Variants in TARBP1 observed in about 807,000 individuals in gnomAD.
TARBP1 encodes the protein tRNA (guanosine(18)-2'-O)-methyltransferase TARBP1.
A neutral mutation model predicts 178.6 loss-of-function variants in TARBP1; 144 were observed. The observed-to-expected ratio is 0.81, with a 90% CI of 0.70 to 0.93. The LOEUF (loss-of-function observed/expected upper bound fraction) is 0.93. TARBP1 is among the 40% of genes least tolerant of loss of function. The pLI, the probability that TARBP1 is intolerant of heterozygous loss-of-function variation, is 0.00. For synonymous variants in TARBP1, 787 were observed against 781.0 expected (o/e 1.01, Z -0.13); for missense variants, 2,067 against 2,011.7 (o/e 1.03, Z -0.53).
At chr1:234,458,647 A>G (rs998629080) in intron 8 of TARBP1, among the ~76,000 whole-genome samples, 1 of 152,228 alleles carries the variant, frequency 6.6e-6, no homozygotes, top group African/African-American at 2.4e-5. Context: ...GTAGTAAGCA[A>G]TATTTACTGA....
intron 9 of TARBP1, among the ~76,000 whole-genome samples, chr1:234,455,900 G>A (rs1667224030): frequency 6.6e-6 from 1 of 151,658 alleles, no homozygotes; most frequent in South Asian, 2.1e-4. Flanking sequence ...GACAATAATA[G>A]ACAATTCACA....
intron 14 of TARBP1, among the ~76,000 whole-genome samples, chr1:234,432,572 A>C (rs945595241): frequency 2.0e-5 from 3 of 152,228 alleles, no homozygotes; most frequent in Admixed American, 6.5e-5. Context: ...TAATCGAAGA[A>C]GACCTCTAAG....
chr1:234,406,455 A>C, intron 23 of TARBP1: 1 of 192,708 alleles, frequency 5.2e-6, no homozygotes, highest in Non-Finnish European at 1.1e-5. Flanking sequence ...CTATTATCTT[A>C]ATTTGTGCTG....
rs1188886698 is a variant in TARBP1 at position 234,396,835 on chromosome 1, C to T, written c.4243+1547G>A. ...AATTTTCAACAAGTCACATGTGAGT[C>T]CTGAAGACATGGAAAGTTTGGAGAA... On this transcript the variant is annotated intron_variant, in intron 26 of 29. Coordinates refer to ENST00000040877, the MANE Select transcript of TARBP1 (RefSeq NM_005646.4). Among the ~76,000 whole-genome samples, 3 of 151,636 alleles carry T rather than the reference C, an allele frequency of 2.0e-5. No individual in the cohort carries two copies. In the South Asian group the frequency reaches 6.3e-4, roughly 32 times the overall value.
intron 14 of TARBP1, among the ~76,000 whole-genome samples, chr1:234,430,997 AC>A (rs1287340630): frequency 1.1e-4 from 16 of 152,228 alleles, no homozygotes; most frequent in African/African-American, 3.9e-4. Flanking sequence ...GGAACTCTAC[AC>A]GTAGGAAAGG....
At chr1:234,465,592 T>A in intron 5 of TARBP1, 64 bp downstream of exon 5, 2 of 1,419,978 alleles carry the variant, frequency 1.4e-6, no homozygotes, top group Admixed American at 5.2e-5. Flanking sequence ...CATGAAACAA[T>A]CTGGTCATGT....
intron 19 of TARBP1, 89 bp from the exon 20 acceptor site, chr1:234,425,882 C>T: frequency 1.9e-6 from 2 of 1,054,032 alleles, no homozygotes; most frequent in Non-Finnish European, 2.7e-6. Context: ...ATTACACGAT[C>T]AAAACCTCTC....
At chr1:234,396,283 C>G (rs1475983965) in intron 26 of TARBP1, among the ~76,000 whole-genome samples, 3 of 152,220 alleles carry the variant, frequency 2.0e-5, no homozygotes, top group Non-Finnish European at 4.4e-5. Flanking sequence ...TCCTCCCAGG[C>G]TCTACCCAAC....
At chr1:234,421,214 G>A (rs529451516) in intron 20 of TARBP1, among the ~76,000 whole-genome samples, 1 of 151,832 alleles carries the variant, frequency 6.6e-6, no homozygotes, top group Admixed American at 6.6e-5. Flanking sequence ...TCAGCCTCCC[G>A]AGTAGCTGGG....
intron 10 of TARBP1, among the ~76,000 whole-genome samples, chr1:234,449,110 T>C (rs993110289): frequency 1.3e-5 from 2 of 151,842 alleles, no homozygotes; most frequent in African/African-American, 4.8e-5. Context: ...AGGCATACCA[T>C]ATTCCAGAAA....
intron 22 of TARBP1, among the ~76,000 whole-genome samples, chr1:234,416,391 G>T (rs1662418173): frequency 6.6e-6 from 1 of 152,108 alleles, no homozygotes; most frequent in Non-Finnish European, 1.5e-5. Context: ...CACCTCCCTG[G>T]GTTCAAGCTA....
intron 13 of TARBP1, 33 bp from the exon 14 acceptor site, chr1:234,433,604 A>G: frequency 1.3e-6 from 2 of 1,576,442 alleles, no homozygotes; most frequent in Non-Finnish European, 1.7e-6. Context: ...TAAGGGTACA[A>G]GCAAGGTCCA....
At chr1:234,435,951 T>C (rs748668768) in intron 13 of TARBP1, among the ~76,000 whole-genome samples, 3 of 152,204 alleles carry the variant, frequency 2.0e-5, no homozygotes, top group Non-Finnish European at 4.4e-5. Context: ...ACCAGCACAC[T>C]GCTGACAGGG....
At chr1:234,427,510 A>G in intron 18 of TARBP1, 66 bp downstream of exon 18, 1 of 1,487,206 alleles carries the variant, frequency 6.7e-7, no homozygotes, top group African/African-American at 1.4e-5. Flanking sequence ...AAACAAAGAC[A>G]TAATTCTATA....
At chr1:234,411,958 T>G (rs1372109600) in intron 22 of TARBP1, among the ~76,000 whole-genome samples, 1 of 152,240 alleles carries the variant, frequency 6.6e-6, no homozygotes, top group Non-Finnish European at 1.5e-5. Context: ...AGTTACTGAA[T>G]GTCTTCTACA....
intron 9 of TARBP1, among the ~76,000 whole-genome samples, chr1:234,455,334 G>A (rs1667165113): frequency 6.6e-6 from 1 of 152,188 alleles, no homozygotes; most frequent in African/African-American, 2.4e-5. Flanking sequence ...ACTCCATTCT[G>A]CAGATGTACC....
At chr1:234,455,775 A>G (rs1667210592) in intron 9 of TARBP1, among the ~76,000 whole-genome samples, 1 of 152,166 alleles carries the variant, frequency 6.6e-6, no homozygotes, top group South Asian at 2.1e-4. Context: ...ACTAAAAAAA[A>G]ATTATTTGCA....
rs193037967 is a variant in TARBP1 at position 234,476,904 on chromosome 1, G to T, written c.931+1269C>A. On this transcript the variant is annotated intron_variant, in intron 1 of 29. Coordinates refer to ENST00000040877, the MANE Select transcript of TARBP1 (RefSeq NM_005646.4). ...TTATCCCTAAAACTGCAAAATAACT[G>T]GCCGAGCGCGGTGGCTCACGCCTGT... Among the ~76,000 whole-genome samples, 10 of 152,360 alleles carry T rather than the reference G, an allele frequency of 6.6e-5. No homozygotes were observed. In the East Asian group the frequency reaches 1.5e-3, roughly 23 times the overall value.
chr1:234,445,948 C>T (rs952021095), intron 12 of TARBP1, among the ~76,000 whole-genome samples: 1 of 152,096 alleles, frequency 6.6e-6, no homozygotes, highest in Non-Finnish European at 1.5e-5. Flanking sequence ...GTCAGGACAG[C>T]GCCAATGAAT....
Sources: gnomAD v4.1 joint callset for allele counts (sites outside exome capture counted in the v4.1 genomes callset) on GRCh38, gnomAD v4.1.1 for gene constraint, MANE v1.5 for transcripts, NCBI Gene and HGNC (gene_info 2026-07-23, HGNC 2026-07-21) for gene names.